The following SNX19 variants were observed in gnomAD, a reference collection of about 807,000 sequenced individuals.
SNX19 encodes sorting nexin 19.
A neutral mutation model predicts 85.2 loss-of-function variants in SNX19; 60 were observed. The observed-to-expected ratio is 0.70, with a 90% confidence interval of 0.57 to 0.87. SNX19 has a LOEUF of 0.87. Ranked by LOEUF, SNX19 falls within the 40% of genes least tolerant of loss-of-function variation. SNX19 has a pLI of 0.00. For synonymous variants in SNX19, 520 were observed against 470.0 expected (o/e 1.11, Z -1.38); for missense variants, 1,201 against 1,217.8 (o/e 0.99, Z 0.21).
intron 8 of SNX19, among the ~76,000 whole-genome samples, chr11:130,891,277 T>C (rs1377606478): frequency 6.6e-6 from 1 of 152,184 alleles, no homozygotes; most frequent in East Asian, 1.9e-4. Flanking sequence ...AGAGCTGATG[T>C]TGTAACGGGT....
intron 7 of SNX19, chr11:130,905,665 C>T: frequency 1.3e-6 from 2 of 1,502,914 alleles, no homozygotes; most frequent in Non-Finnish European, 1.8e-6. Context: ...TATGCCAAAG[C>T]ATGCCAAAAA....
chr11:130,896,855 A>C (rs1432833972), intron 8 of SNX19, among the ~76,000 whole-genome samples: 1 of 152,110 alleles, frequency 6.6e-6, no homozygotes, highest in Admixed American at 6.5e-5. Context: ...TCTCTTAAGA[A>C]ATAACCAATG....
chr11:130,881,800 C>A (rs1218902192), intron 8 of SNX19, among the ~76,000 whole-genome samples: 1 of 152,218 alleles, frequency 6.6e-6, no homozygotes, highest in African/African-American at 2.4e-5. Context: ...CTCCATAGAC[C>A]TCCTTTGGCA....
rs779898189 is a variant in SNX19, at chr11:130,893,830, G to C, written c.2573+9425C>G. ...CTGAATCCTCTCCGAGAAATCTTTC[G>C]GGGCCAGCATTATATTAGAGCTAAA... On this transcript the variant is annotated intron_variant, in intron 8 of 10. Transcript: ENST00000265909. 1.4e-5 allele frequency: 10 copies of C among 702,032 alleles called. No homozygotes were observed. In the South Asian group the frequency reaches 1.5e-4, roughly 10 times the overall value. 43.5% of individuals were successfully genotyped at this position (702,032 alleles called of 1,614,324 possible).
intron 8 of SNX19, chr11:130,894,856 C>T: frequency 1.0e-6 from 1 of 985,322 alleles, no homozygotes; most frequent in Non-Finnish European, 1.2e-6. Context: ...TTATACCTTC[C>T]TCTATAAAGC....
chr11:130,898,644 C>T, intron 8 of SNX19, among the ~76,000 whole-genome samples: 1 of 152,174 alleles, frequency 6.6e-6, no homozygotes, highest in Non-Finnish European at 1.5e-5. Flanking sequence ...AGAGGTGCTG[C>T]AGCTCTGGAG....
intron 7 of SNX19, 93 bp downstream of exon 7, chr11:130,905,860 A>G: frequency 6.2e-7 from 1 of 1,601,004 alleles, no homozygotes. Flanking sequence ...TGAATGGAAC[A>G]GAAATCAAAG....
chr11:130,870,654 CCT>C lies in SNX19; in HGVS notation c.*7766_*7767del, dbSNP rs1241279223. On this transcript the variant is annotated 3_prime_UTR_variant, in exon 11 of 11. Transcript: ENST00000265909. Reference sequence around the variant, plus strand: ...GCCTTTCCATAAAAGTCACCAGCACCCTGTCTCTGGGATGTGGAAGGTTGGGA... The same window carrying C: ...GCCTTTCCATAAAAGTCACCAGCACCGTCTCTGGGATGTGGAAGGTTGGGA... 2.0e-5 allele frequency among the ~76,000 whole-genome samples: 3 copies of C among 152,140 alleles called. No homozygotes were observed. Among genetic ancestry groups the C allele is most frequent in the East Asian group, 1.9e-4 (1 of 5,182 alleles).
intron 8 of SNX19, chr11:130,895,241 G>GA: frequency 1.0e-6 from 1 of 985,416 alleles, no homozygotes; most frequent in Non-Finnish European, 1.2e-6. Context: ...ATGGCTCTGG[G>GA]AATCAGAATT....
intron 8 of SNX19, among the ~76,000 whole-genome samples, chr11:130,887,588 A>G (rs550812704): frequency 6.6e-6 from 1 of 152,314 alleles, no homozygotes; most frequent in South Asian, 2.1e-4. Context: ...CATAATCTAA[A>G]TTCATTGAAG....
intron 8 of SNX19, among the ~76,000 whole-genome samples, chr11:130,901,345 G>T (rs1037551218): frequency 1.3e-5 from 2 of 152,154 alleles, no homozygotes; most frequent in African/African-American, 2.4e-5. Context: ...AGTTAGAGAA[G>T]AGGACTCCTT....
In SNX19 at chr11:130,871,740, T is replaced by C. The variant is rs1276194707; in HGVS notation, c.*6682A>G. Among the ~76,000 whole-genome samples the C allele has an allele frequency of 6.6e-6, 1 of 152,214 alleles. No homozygotes were observed. Among genetic ancestry groups the C allele is most frequent in the Admixed American group, 6.5e-5 (1 of 15,282 alleles). ...TTACTCTCATGGGTTAATCAAAGTT[T>C]CTGGAAGTAATCACAGCCAACTCTT... On this transcript the variant is annotated 3_prime_UTR_variant, in exon 11 of 11. Coordinates refer to ENST00000265909, the MANE Select transcript of SNX19 (RefSeq NM_014758.3).
At chr11:130,888,883 G>A (rs191503413) in intron 8 of SNX19, among the ~76,000 whole-genome samples, 2 of 152,000 alleles carry the variant, frequency 1.3e-5, no homozygotes, top group East Asian at 1.9e-4. Context: ...TATTTTGGTC[G>A]CCAATTCTAC....
chr11:130,887,474 A>T (rs1944173256), intron 8 of SNX19, among the ~76,000 whole-genome samples: 1 of 152,224 alleles, frequency 6.6e-6, no homozygotes. Context: ...ATAACGGCAT[A>T]GACAAGGGTT....
intron 2 of SNX19, among the ~76,000 whole-genome samples, chr11:130,911,182 G>A (rs942766151): frequency 5.6e-5 from 8 of 142,776 alleles, no homozygotes; most frequent in African/African-American, 1.3e-4. Flanking sequence ...GGGACAGAGC[G>A]AGACTCCATG....
rs533464539 is a variant in SNX19, at chr11:130,877,180, T to C, written c.*1242A>G. On this transcript the variant is annotated 3_prime_UTR_variant, in exon 11 of 11. Coordinates refer to ENST00000265909, the MANE Select transcript of SNX19 (RefSeq NM_014758.3). ...AGCCAAAGGGCTCCCAGTGACATCC[T>C]TGACATCTTTTTGCCAGCTATTCAC... 50 of 152,352 alleles carry C rather than the reference T, an allele frequency of 3.3e-4. No homozygotes were observed. The highest frequency in any genetic ancestry group is 1.2e-3 in the African/African-American group (49 of 41,582). 9.4% of individuals were successfully genotyped at this position (152,352 alleles called of 1,614,324 possible). A position where few individuals can be genotyped will look rare whatever the true frequency, so the allele number is the denominator to read the frequency against.
chr11:130,891,620 T>C (rs1052654568), intron 8 of SNX19, among the ~76,000 whole-genome samples: 1 of 152,046 alleles, frequency 6.6e-6, no homozygotes, highest in African/African-American at 2.4e-5. Flanking sequence ...TCCAACCCAT[T>C]ATTTGAAACT....
rs1943229816 is a variant in SNX19 at position 130,876,059 on chromosome 11, A to G, written c.*2363T>C. On this transcript the variant is annotated 3_prime_UTR_variant, in exon 11 of 11. Coordinates refer to ENST00000265909, the MANE Select transcript of SNX19 (RefSeq NM_014758.3). ...ACAGCATCCCTGCCTCGTCTTTTTT[A>G]TAGATAGTAAGAAAAGGGAAAGTAG... 1.3e-5 allele frequency: 2 copies of G among 152,146 alleles called. No individual in the cohort carries two copies. The highest frequency in any genetic ancestry group is 2.9e-5 in the Non-Finnish European group (2 of 67,968). 9.4% of individuals were successfully genotyped at this position (152,146 alleles called of 1,614,324 possible).
rs530734166 is a variant in SNX19 at position 130,891,685 on chromosome 11, G to A, written c.2574-10879C>T. Among the ~76,000 whole-genome samples the A allele has an allele frequency of 4.6e-5, 7 of 152,218 alleles. No individual in the cohort carries two copies. The South Asian group carries it at 8.3e-4, about 18-fold the overall frequency. On this transcript the variant is annotated intron_variant, in intron 8 of 10. Coordinates refer to ENST00000265909, the MANE Select transcript of SNX19 (RefSeq NM_014758.3). ...CAGAATGGGGGAGGAAAGACCAAAA[G>A]CAAAGGTCAGGTTACCTTTCTAACA... is the stretch of plus-strand genomic sequence containing the variant.
Sources: allele counts gnomAD v4.1 joint callset (sites outside exome capture counted in the v4.1 genomes callset), GRCh38; gene constraint gnomAD v4.1.1; transcripts MANE v1.5; gene names NCBI Gene and HGNC (gene_info 2026-07-23, HGNC 2026-07-21).